Variants in ZNFX1 observed in about 807,000 individuals in gnomAD.
The protein encoded by ZNFX1 is zinc finger NFX1-type containing 1, also known as NFX1-type zinc finger-containing protein 1.
Under a neutral mutation model 179.8 loss-of-function variants are expected in ZNFX1, and 78 were observed. The ratio of observed to expected loss-of-function variants is 0.43; its 90% CI spans 0.36 to 0.52. The LOEUF (loss-of-function observed/expected upper bound fraction) is 0.52, where lower values mean the gene tolerates loss of function less well. Among genes scored for constraint, ZNFX1 ranks in the 20% least tolerant of loss-of-function variants. ZNFX1 has a pLI of 0.00. For synonymous variants in ZNFX1, 848 were observed against 868.5 expected (o/e 0.98, Z 0.42); for missense variants, 1,927 against 2,386.6 (o/e 0.81, Z 4.01).
At chr20:49,262,281 C>A (rs1981132115) in intron 6 of ZNFX1, among the ~76,000 whole-genome samples, 1 of 151,606 alleles carries the variant, frequency 6.6e-6, no homozygotes, top group Non-Finnish European at 1.5e-5. Flanking sequence ...TGGCAGGTGC[C>A]TGTAATCCTA....
chr20:49,269,850 T>G (rs532747843), intron 3 of ZNFX1, 92 bp downstream of exon 3: 5 of 1,429,578 alleles, frequency 3.5e-6, no homozygotes, highest in East Asian at 4.6e-5. Context: ...AATAAGTAAA[T>G]AAGAAGACAT....
rs754208218 is a variant in ZNFX1, at chr20:49,270,300, G to A, written c.1512C>T (p.Leu504=). Residue 504 remains leucine (L), a synonymous_variant, in exon 3 of 14, where the codon CTC becomes CTT. Transcript: ENST00000396105. This position sits in a 1 kb window ranked among gnomAD's most constrained non-coding sequence, Gnocchi z 4.6. ...LAEVQPSDSF[L]MVETTAYFEA... ...CAAAGTATGCAGTTGTCTCTACCAT[G>A]AGGAAAGAGTCAGAGGGCTGGACCT... The A allele has an allele frequency of 1.9e-6, 3 of 1,614,104 alleles. No homozygotes were observed. Among genetic ancestry groups the A allele is most frequent in the Non-Finnish European group, 2.5e-6 (3 of 1,180,032 alleles).
At chr20:49,268,286 ATT>A (rs1281434053) in intron 3 of ZNFX1, among the ~76,000 whole-genome samples, 3 of 152,194 alleles carry the variant, frequency 2.0e-5, no homozygotes, top group Non-Finnish European at 4.4e-5. Context: ...GCTATTATAT[ATT>A]TGATACTATT....
intron 1 of ZNFX1, among the ~76,000 whole-genome samples, chr20:49,277,466 G>T (rs1981605295): frequency 6.6e-6 from 1 of 150,830 alleles, no homozygotes; most frequent in South Asian, 2.1e-4. Flanking sequence ...TGTAGAAGAG[G>T]GGGATTGATA....
intron 13 of ZNFX1, 76 bp downstream of exon 13, chr20:49,251,451 T>C: frequency 7.0e-7 from 1 of 1,438,006 alleles, no homozygotes; most frequent in Non-Finnish European, 9.5e-7. Context: ...GCTGAAAAGC[T>C]TTTTTATCTT....
At chr20:49,258,262 AT>A (rs979918215) in intron 7 of ZNFX1, among the ~76,000 whole-genome samples, 3 of 150,576 alleles carry the variant, frequency 2.0e-5, no homozygotes, top group African/African-American at 7.3e-5. Context: ...CGCCCAGCTA[AT>A]TTTGTATTTT....
At chr20:49,269,918 G>A (rs1053656698) in intron 3 of ZNFX1, 24 bp downstream of exon 3, 36 of 1,565,596 alleles carry the variant, frequency 2.3e-5, no homozygotes, top group African/African-American at 1.4e-4. Context: ...CAGATCTTAT[G>A]TACTCTAAAA....
chr20:49,252,259 A>G (rs1980857474), intron 12 of ZNFX1, among the ~76,000 whole-genome samples: 1 of 151,632 alleles, frequency 6.6e-6, no homozygotes, highest in African/African-American at 2.4e-5. Flanking sequence ...CTCCTGCCTC[A>G]GCCTCCTGAG....
chr20:49,267,364 G>T (rs553566528), intron 3 of ZNFX1, among the ~76,000 whole-genome samples: 1 of 152,082 alleles, frequency 6.6e-6, no homozygotes, highest in South Asian at 2.1e-4. Context: ...TGGAGTGCAG[G>T]GGCTATGTGT....
intron 8 of ZNFX1, 126 bp downstream of exon 8, chr20:49,257,291 G>A (rs1003571281): frequency 1.9e-5 from 25 of 1,331,256 alleles, no homozygotes; most frequent in Admixed American, 4.7e-5. Flanking sequence ...CTCATACCAG[G>A]GGTAGGCTGT....
intron 1 of ZNFX1, 109 bp from the exon 2 acceptor site, chr20:49,275,996 A>C (rs1981547276): frequency 1.5e-6 from 1 of 670,114 alleles, no homozygotes. Flanking sequence ...ATGATTTGTT[A>C]ACTAAGGGTT....
Position 49,249,483 on chromosome 20 carries a change from C to A in ZNFX1, c.3541G>T (p.Val1181Phe). The change falls in exon 14 of 14, where the codon GTC (valine) becomes TTC (phenylalanine). Residue 1181 changes from valine to phenylalanine, a missense_variant. By Grantham distance (50) the Val-to-Phe change is conservative. Coordinates refer to ENST00000396105, the MANE Select transcript of ZNFX1 (RefSeq NM_021035.3). ...MPAKTFAGVRVHVVDKYQGEE... is the reference protein window; with the variant it reads ...MPAKTFAGVRFHVVDKYQGEE... ...CCTTGGTATTTGTCCACAACATGGA[C>A]CCTGACGCCAGCAAATGTCTTGGCA... 1.2e-6 allele frequency: 2 copies of A among 1,614,232 alleles called. No homozygotes were observed. Among genetic ancestry groups the A allele is most frequent in the South Asian group, 2.2e-5 (2 of 91,086 alleles).
rs1465819833 is a variant in ZNFX1 at position 49,249,520 on chromosome 20, G to C, written c.3504C>G (p.Arg1168=). 1 of 1,614,244 alleles carries C rather than the reference G, an allele frequency of 6.2e-7. No individual in the cohort carries two copies. The highest frequency in any genetic ancestry group is 1.3e-5 in the African/African-American group (1 of 75,076). ...CAAATGTCTTGGCAGGCATCAGTTT[G>C]CGCAGGCAGAAGAGCTGCCCGGTAT... ...TTYTGQLFCL[R]KLMPAKTFAG... Residue 1168 remains arginine, a synonymous_variant, in exon 14 of 14, where the codon CGC becomes CGG. Coordinates refer to ENST00000396105, the MANE Select transcript of ZNFX1 (RefSeq NM_021035.3).
intron 6 of ZNFX1, among the ~76,000 whole-genome samples, chr20:49,261,358 C>T (rs1981106397): frequency 6.6e-6 from 1 of 152,152 alleles, no homozygotes; most frequent in Admixed American, 6.5e-5. Context: ...TACATATATA[C>T]CATGGAATAC....
rs1475293687 is a variant in ZNFX1 at position 49,260,708 on chromosome 20, A to C, written c.2302-131T>G. 4.9e-6 allele frequency: 3 copies of C among 606,200 alleles called. No homozygotes were observed. The African/African-American group carries it at 5.6e-5, about 11-fold the overall frequency. The allele number at this position is 606,200 out of a possible 1,614,324, so 37.6% of individuals were successfully genotyped here. ...TGTAATCCCAGCAATTTGGAAGGCC[A>C]AGGCAGGAAGACTGCCTGAGCCCAG... On this transcript the variant is annotated intron_variant, in intron 6 of 13. Coordinates refer to ENST00000396105, the MANE Select transcript of ZNFX1 (RefSeq NM_021035.3).
rs775817125 is a variant in ZNFX1, at chr20:49,248,205, GTTCA to G, written c.4815_4818del (p.Glu1606ArgfsTer10). The G allele has an allele frequency of 6.2e-7, 1 of 1,614,192 alleles. No individual in the cohort carries two copies. Among genetic ancestry groups the G allele is most frequent in the South Asian group, 1.1e-5 (1 of 91,086 alleles). On this transcript the variant is annotated frameshift_variant, in exon 14 of 14. Transcript: ENST00000396105. LOFTEE classifies it high-confidence loss of function. The surrounding 1 kb of genome is among the most constrained non-coding windows in gnomAD (Gnocchi z 4.6). ...CTGATGGCGACTTCATCATCCTTCT[GTTCA>G]TTCATGTAGCGGTCTAGGGCTTGCA...
In ZNFX1 at chr20:49,249,436, G is replaced by A. The variant is rs35722262; in HGVS notation, c.3588C>T (p.Leu1196=). The A allele has an allele frequency of 1.0e-4, 162 of 1,614,248 alleles. 1 individual carries two copies. The African/African-American group carries it at 2.0e-3, about 20-fold the overall frequency. The part of the protein sequence containing the change: ...KYQGEENDII[L]LSLVRSNQEG... ...CTTGGTTGCTCCGCACTAGCGAGAG[G>A]AGGATGATGTCATTCTCTTCCCCTT... is the stretch of plus-strand genomic sequence containing the variant. Residue 1196 remains leucine (L), a synonymous_variant, in exon 14 of 14, where the codon CTC becomes CTT. Transcript: ENST00000396105.
At chr20:49,274,650 T>G (rs926517986) in intron 2 of ZNFX1, among the ~76,000 whole-genome samples, 2 of 152,042 alleles carry the variant, frequency 1.3e-5, no homozygotes, top group Non-Finnish European at 2.9e-5. Flanking sequence ...TCCCAGCTAC[T>G]TGGGAGGCTG....
At position 49,270,151 on chromosome 20, in the gene ZNFX1, C is replaced by T; in HGVS notation, c.1661G>A (p.Arg554Lys). Reference sequence around the variant, plus strand: ...CTCTATTAAGGGGGTAAAGTCGTATCTGCCCCCCATTAGCAAGTACCTTGG... The same window carrying T: ...CTCTATTAAGGGGGTAAAGTCGTATTTGCCCCCCATTAGCAAGTACCTTGG... ...KEPRYLLMGG[R>K]YDFTPLIENP... Residue 554 changes from arginine (R) to lysine (K), a missense_variant, in exon 3 of 14, where the codon AGA becomes AAA. Arg to Lys is a conservative substitution (Grantham distance 26, BLOSUM62 2). Transcript: ENST00000396105. This position sits in a 1 kb window ranked among gnomAD's most constrained non-coding sequence, Gnocchi z 4.6. 1 of 1,614,120 alleles carries T rather than the reference C, an allele frequency of 6.2e-7. No homozygotes were observed. The highest frequency in any genetic ancestry group is 1.1e-5 in the South Asian group (1 of 91,082).
Sources: allele counts gnomAD v4.1 joint callset (sites outside exome capture counted in the v4.1 genomes callset), GRCh38; gene constraint gnomAD v4.1.1; non-coding constraint Gnocchi (gnomAD v3.1); transcripts MANE v1.5; gene names NCBI Gene and HGNC (gene_info 2026-07-23, HGNC 2026-07-21).